PTPRM: variants seen among roughly 807,000 people sequenced by gnomAD.
The protein encoded by PTPRM is receptor-type tyrosine-protein phosphatase mu.
PTPRM carries 47 observed loss-of-function variants against 186.7 expected under a neutral mutation model. The ratio of observed to expected loss-of-function variants is 0.25; its 90% CI spans 0.20 to 0.32. The LOEUF is 0.32. Ranked by LOEUF, PTPRM falls within the 10% of genes least tolerant of loss-of-function variation. The probability of loss-of-function intolerance (pLI) is 1.00; values close to 1 mark genes in which losing one functional copy is unlikely to be tolerated. For synonymous variants in PTPRM, 668 were observed against 674.9 expected, an observed-to-expected ratio of 0.99 and a Z score of 0.16; for missense variants, 1,494 against 1,865.0, an observed-to-expected ratio of 0.80 and a Z score of 3.66.
chr18:8,374,660 T>C (rs2095684430), intron 24 of PTPRM, among the ~76,000 whole-genome samples: 1 of 152,236 alleles, frequency 6.6e-6, no homozygotes, highest in Non-Finnish European at 1.5e-5. Flanking sequence ...AATATTGATT[T>C]GCATTTGTGA....
At chr18:7,707,408 A>G (rs918222476) in intron 1 of PTPRM, among the ~76,000 whole-genome samples, 6 of 152,038 alleles carry the variant, frequency 3.9e-5, no homozygotes, top group African/African-American at 1.4e-4. Flanking sequence ...AGGCAGGGGG[A>G]TCACTTAAGG....
intron 14 of PTPRM, among the ~76,000 whole-genome samples, chr18:8,148,817 T>G (rs551705379): frequency 1.3e-5 from 2 of 152,362 alleles, no homozygotes; most frequent in African/African-American, 4.8e-5. Flanking sequence ...TACACATTGC[T>G]TTAAATGTGT....
intron 22 of PTPRM, among the ~76,000 whole-genome samples, chr18:8,325,815 A>G (rs605846): frequency 0.64 from 97,070 of 152,052 alleles, 31,332 homozygotes; most frequent in Admixed American, 0.69. Context: ...TAAGCGTTCC[A>G]TCTTCTCCAC....
At chr18:8,289,075 G>A (rs2147812094) in intron 19 of PTPRM, among the ~76,000 whole-genome samples, 1 of 152,150 alleles carries the variant, frequency 6.6e-6, no homozygotes, top group East Asian at 1.9e-4. Context: ...CCAAATGGAG[G>A]CGCACTAAGT....
chr18:7,590,992 G>A (rs777799402), intron 1 of PTPRM, among the ~76,000 whole-genome samples: 18 of 152,202 alleles, frequency 1.2e-4, no homozygotes, highest in Non-Finnish European at 2.5e-4. Flanking sequence ...AAGGAACTGT[G>A]ATGATTTTGT....
At chr18:7,719,845 A>T (rs2144849335) in intron 1 of PTPRM, among the ~76,000 whole-genome samples, 1 of 152,356 alleles carries the variant, frequency 6.6e-6, no homozygotes, top group Admixed American at 6.5e-5. Context: ...CAAACAATCA[A>T]TGAGAAAACA....
At chr18:8,226,415 A>G (rs1338614925) in intron 14 of PTPRM, among the ~76,000 whole-genome samples, 3 of 152,214 alleles carry the variant, frequency 2.0e-5, no homozygotes, top group Admixed American at 6.5e-5. Flanking sequence ...CTTGAGATCT[A>G]TATCTGTGAA....
Position 8,406,350 on chromosome 18 carries a change from T to A in PTPRM, c.*188T>A. ...GCCCAATCCCAGTAATGCTGCTGCC[T>A]GACAGAAACACACACACAGCCACAG... On this transcript the variant is annotated 3_prime_UTR_variant, in exon 33 of 33. Coordinates refer to ENST00000580170, the MANE Select transcript of PTPRM (RefSeq NM_001105244.2). 1.7e-6 allele frequency: 1 copy of A among 588,416 alleles called. No homozygotes were observed. Among genetic ancestry groups the A allele is most frequent in the Non-Finnish European group, 3.0e-6 (1 of 334,960 alleles). 36.4% of individuals were successfully genotyped at this position (588,416 alleles called of 1,614,324 possible).
chr18:7,847,443 A>G (rs1354102119), intron 2 of PTPRM, among the ~76,000 whole-genome samples: 1 of 152,158 alleles, frequency 6.6e-6, no homozygotes, highest in Non-Finnish European at 1.5e-5. Context: ...TTGGGATTAC[A>G]GGTGTGAGCC....
At chr18:7,659,683 A>T (rs1364906608) in intron 1 of PTPRM, among the ~76,000 whole-genome samples, 1 of 152,184 alleles carries the variant, frequency 6.6e-6, no homozygotes, top group African/African-American at 2.4e-5. Context: ...GTCATTCTTC[A>T]TAGCACTAGC....
intron 19 of PTPRM, among the ~76,000 whole-genome samples, chr18:8,284,049 C>A (rs928827551): frequency 5.9e-5 from 9 of 152,260 alleles, no homozygotes; most frequent in South Asian, 2.1e-4. Context: ...AACTCAGATT[C>A]CCTTTCAGGA....
intron 22 of PTPRM, among the ~76,000 whole-genome samples, chr18:8,323,842 C>T (rs983249236): frequency 3.3e-5 from 5 of 152,066 alleles, no homozygotes; most frequent in African/African-American, 1.2e-4. Flanking sequence ...TGTCCCTCAC[C>T]TTTGGAAGAC....
intron 22 of PTPRM, among the ~76,000 whole-genome samples, chr18:8,340,188 C>T (rs1395293351): frequency 1.3e-5 from 2 of 152,086 alleles, no homozygotes; most frequent in African/African-American, 2.4e-5. Flanking sequence ...TGCAGGAGAG[C>T]GGAGACAGGA....
intron 1 of PTPRM, among the ~76,000 whole-genome samples, chr18:7,676,639 GTGTGTGTGTGTGTGTGTGTGTGTA>G (rs991467815): frequency 2.2e-5 from 3 of 138,388 alleles, no homozygotes; most frequent in African/African-American, 3.1e-5. Flanking sequence ...GTGTGTGTGT[GTGTGTGTGTGTGTGTGTGTGTGTA>G]TGTGTGTGTG....
At chr18:7,873,242 T>A (rs1230620875) in intron 2 of PTPRM, among the ~76,000 whole-genome samples, 1 of 152,234 alleles carries the variant, frequency 6.6e-6, no homozygotes, top group Non-Finnish European at 1.5e-5. Context: ...TTAAGACTTA[T>A]AATTCAAAGC....
At chr18:7,969,621 G>A (rs2054396861) in intron 7 of PTPRM, among the ~76,000 whole-genome samples, 1 of 132,516 alleles carries the variant, frequency 7.5e-6, no homozygotes, top group African/African-American at 3.0e-5. Flanking sequence ...AATGATAAAG[G>A]GGATATCACC....
chr18:8,233,639 G>A (rs2094312901), intron 14 of PTPRM, among the ~76,000 whole-genome samples: 1 of 151,976 alleles, frequency 6.6e-6, no homozygotes, highest in Non-Finnish European at 1.5e-5. Context: ...CACAGAGCAG[G>A]AATTTTTATT....
At chr18:7,780,203 C>T (rs891224842) in intron 2 of PTPRM, among the ~76,000 whole-genome samples, 1 of 152,154 alleles carries the variant, frequency 6.6e-6, no homozygotes, top group Non-Finnish European at 1.5e-5. Context: ...AAGCAGTCAA[C>T]AACATTTGCT....
At chr18:8,099,994 C>T (rs2091213878) in intron 11 of PTPRM, among the ~76,000 whole-genome samples, 1 of 152,172 alleles carries the variant, frequency 6.6e-6, no homozygotes. Context: ...GTGTTGGCAT[C>T]TGCTTGGCTG....
Sources: allele counts gnomAD v4.1 joint callset (sites outside exome capture counted in the v4.1 genomes callset), GRCh38; gene constraint gnomAD v4.1.1; transcripts MANE v1.5; gene names NCBI Gene and HGNC (gene_info 2026-07-23, HGNC 2026-07-21).